The following BCKDHB variants were observed in gnomAD, a reference collection of about 807,000 sequenced individuals.
The protein encoded by BCKDHB is branched chain keto acid dehydrogenase E1 subunit beta, also known as 2-oxoisovalerate dehydrogenase subunit beta, mitochondrial.
A neutral mutation model predicts 48.5 loss-of-function variants in BCKDHB; 41 were observed. The observed-to-expected ratio is 0.85, with a 90% CI of 0.66 to 1.10. The LOEUF is 1.10. Ranked by LOEUF, BCKDHB falls within the 50% of genes least tolerant of loss-of-function variation. The pLI, the probability that BCKDHB is intolerant of heterozygous loss-of-function variation, is 0.00. For missense variants in BCKDHB, 496 were observed against 494.2 expected (o/e 1.00, Z -0.03); for synonymous variants, 201 against 174.8 (o/e 1.15, Z -1.18).
intron 9 of BCKDHB, among the ~76,000 whole-genome samples, chr6:80,316,637 A>G (rs1310413025): frequency 3.9e-5 from 6 of 152,196 alleles, no homozygotes; most frequent in African/African-American, 1.2e-4. Flanking sequence ...CTTTATACCA[A>G]TAACTTTTGT....
the BCKDHB span, among the ~76,000 whole-genome samples, chr6:80,455,612 AT>A: frequency 2.6e-5 from 4 of 151,068 alleles, no homozygotes; most frequent in Non-Finnish European, 5.9e-5. Flanking sequence ...CAACGGAGAA[AT>A]TTCTCACTAG....
intron 9 of BCKDHB, among the ~76,000 whole-genome samples, chr6:80,298,974 G>A (rs779562184): frequency 1.8e-4 from 27 of 152,176 alleles, no homozygotes; most frequent in Non-Finnish European, 1.8e-4. Context: ...ACCCATAGCC[G>A]TCAACAAAGA....
chr6:80,414,658 T>G, the BCKDHB span, among the ~76,000 whole-genome samples: 1 of 152,172 alleles, frequency 6.6e-6, no homozygotes, highest in African/African-American at 2.4e-5. Context: ...TTTTATTTAC[T>G]GTAGCCTTGT....
rs546496725 is a variant in BCKDHB, at chr6:80,191,458, G to A, written c.743-9476G>A. Among the ~76,000 whole-genome samples the A allele has an allele frequency of 2.0e-5, 3 of 152,084 alleles. No individual in the cohort carries two copies. The East Asian group carries it at 5.8e-4, about 29-fold the overall frequency. ...GGACTTACATTACCAAAAGCATGAT[G>A]TGAAAAATATATTAAATATATACTA... On this transcript the variant is annotated intron_variant, in intron 6 of 9. Transcript: ENST00000320393.
At chr6:80,351,916 G>T in the BCKDHB span, among the ~76,000 whole-genome samples, 4 of 151,236 alleles carry the variant, frequency 2.6e-5, no homozygotes, top group Non-Finnish European at 5.9e-5. Flanking sequence ...CTGCCTTCCG[G>T]GTTCAAGCGA....
chr6:80,295,267 T>C (rs1029875755), intron 9 of BCKDHB, among the ~76,000 whole-genome samples: 2 of 152,202 alleles, frequency 1.3e-5, no homozygotes, highest in African/African-American at 4.8e-5. Flanking sequence ...AACTGGGTAA[T>C]TTATAAGGAT....
the BCKDHB span, among the ~76,000 whole-genome samples, chr6:80,395,549 G>A: frequency 2.0e-5 from 3 of 152,246 alleles, no homozygotes; most frequent in Admixed American, 6.5e-5. Context: ...ATTTCTAAGC[G>A]GCAAAGCATT....
the BCKDHB span, among the ~76,000 whole-genome samples, chr6:80,444,264 A>C: frequency 1.3e-5 from 2 of 152,132 alleles, no homozygotes; most frequent in African/African-American, 4.8e-5. Flanking sequence ...AGTTTAAAAT[A>C]GGAGATTAAT....
intron 8 of BCKDHB, among the ~76,000 whole-genome samples, chr6:80,231,197 A>G (rs1476131864): frequency 6.6e-6 from 1 of 152,242 alleles, no homozygotes; most frequent in Non-Finnish European, 1.5e-5. Flanking sequence ...TTAATTATAC[A>G]TACTTAATGT....
chr6:80,339,933 G>A (rs1305162590), intron 9 of BCKDHB, among the ~76,000 whole-genome samples: 2 of 152,244 alleles, frequency 1.3e-5, no homozygotes, highest in South Asian at 2.1e-4. Context: ...AGTCAGGTTC[G>A]AATCTTACTT....
Position 80,120,093 on chromosome 6 carries a change from T to C in BCKDHB, c.197-7454T>C, listed in dbSNP as rs534625498. Among the ~76,000 whole-genome samples the C allele has an allele frequency of 1.4e-3, 211 of 152,296 alleles. 1 individual carries two copies. Among genetic ancestry groups the C allele is most frequent in the African/African-American group, 4.9e-3 (202 of 41,558 alleles). ...GATCTCATTGTTCATTTCCCACTTA[T>C]GAGTGAGAACATGTGGTGTTTGGTT... On this transcript the variant is annotated intron_variant, in intron 1 of 9. Coordinates refer to ENST00000320393, the MANE Select transcript of BCKDHB (RefSeq NM_183050.4).
intron 8 of BCKDHB, among the ~76,000 whole-genome samples, chr6:80,239,063 G>T (rs971606247): frequency 6.6e-6 from 1 of 152,102 alleles, no homozygotes; most frequent in East Asian, 1.9e-4. Flanking sequence ...ATGAACATAC[G>T]TGTGCATGTG....
At position 80,284,001 on chromosome 6, in the gene BCKDHB, A is replaced by G. The variant is rs531891840; in HGVS notation, c.1038+10780A>G. ...TGTCAGCATTGTATTCACAATCAGTAACAGGATGGGTCTGCCTCCTGGAGA... is the reference window on the plus strand; with the variant it reads ...TGTCAGCATTGTATTCACAATCAGTGACAGGATGGGTCTGCCTCCTGGAGA... On this transcript the variant is annotated intron_variant, in intron 9 of 9. Coordinates refer to ENST00000320393, the MANE Select transcript of BCKDHB (RefSeq NM_183050.4). 6.6e-5 allele frequency among the ~76,000 whole-genome samples: 10 copies of G among 152,142 alleles called. No individual in the cohort carries two copies. The South Asian group carries it at 2.1e-3, about 31-fold the overall frequency.
At chr6:80,305,753 T>A (rs956655399) in intron 9 of BCKDHB, among the ~76,000 whole-genome samples, 1 of 152,208 alleles carries the variant, frequency 6.6e-6, no homozygotes, top group African/African-American at 2.4e-5. Flanking sequence ...ACAGCACTGA[T>A]GACACCTGTT....
At chr6:80,288,761 A>AT (rs1443940997) in intron 9 of BCKDHB, among the ~76,000 whole-genome samples, 1 of 152,080 alleles carries the variant, frequency 6.6e-6, no homozygotes, top group African/African-American at 2.4e-5. Context: ...ATATAAATAT[A>AT]TACCATATAT....
chr6:80,342,767 C>T (rs1178498620), intron 9 of BCKDHB, among the ~76,000 whole-genome samples: 1 of 151,736 alleles, frequency 6.6e-6, no homozygotes, highest in Non-Finnish European at 1.5e-5. Context: ...TCAGCCTGGG[C>T]GAGAGAGTGA....
intron 8 of BCKDHB, 34 bp from the exon 9 acceptor site, chr6:80,273,101 C>A (rs1218927765): frequency 2.0e-6 from 3 of 1,512,548 alleles, no homozygotes; most frequent in Non-Finnish European, 1.8e-6. Flanking sequence ...AATAGATATT[C>A]TTTTTAACAT....
At chr6:80,198,755 CAT>C (rs1305106651) in intron 6 of BCKDHB, among the ~76,000 whole-genome samples, 1 of 152,172 alleles carries the variant, frequency 6.6e-6, no homozygotes, top group Non-Finnish European at 1.5e-5. Flanking sequence ...CGTACACTAA[CAT>C]ACGGTAAATA....
the BCKDHB span, among the ~76,000 whole-genome samples, chr6:80,458,975 T>C: frequency 1.3e-5 from 2 of 152,042 alleles, no homozygotes; most frequent in Non-Finnish European, 2.9e-5. Flanking sequence ...ACCCACAAAA[T>C]ATAATAAGTG....
Sources: gnomAD v4.1 joint callset for allele counts (sites outside exome capture counted in the v4.1 genomes callset) on GRCh38, gnomAD v4.1.1 for gene constraint, MANE v1.5 for transcripts, NCBI Gene and HGNC (gene_info 2026-07-23, HGNC 2026-07-21) for gene names.